DAPK1: variants seen among roughly 807,000 people sequenced by gnomAD.
The protein encoded by DAPK1 is death-associated protein kinase 1.
A neutral mutation model predicts 144.9 loss-of-function variants in DAPK1; 56 were observed. The ratio of observed to expected loss-of-function variants is 0.39; its 90% CI spans 0.31 to 0.48. DAPK1 has a LOEUF of 0.48. Among genes scored for constraint, DAPK1 ranks in the 20% least tolerant of loss-of-function variants. The probability of loss-of-function intolerance (pLI) is 0.95; values close to 1 mark genes in which losing one functional copy is unlikely to be tolerated. For missense variants in DAPK1, 1,454 were observed against 1,875.4 expected (o/e 0.78, Z 4.15); for synonymous variants, 690 against 749.0 (o/e 0.92, Z 1.29).
At chr9:87,570,554 A>T (rs1827293737) in intron 2 of DAPK1, among the ~76,000 whole-genome samples, 1 of 152,150 alleles carries the variant, frequency 6.6e-6, no homozygotes. Flanking sequence ...AGCCAGTTGT[A>T]CCTCTCGTAA....
At chr9:87,660,666 A>G (rs900825830) in intron 18 of DAPK1, among the ~76,000 whole-genome samples, 1 of 151,932 alleles carries the variant, frequency 6.6e-6, no homozygotes, top group Non-Finnish European at 1.5e-5. Context: ...CCCGTTGTCC[A>G]TCATTCCACA....
intron 19 of DAPK1, among the ~76,000 whole-genome samples, chr9:87,671,496 CTT>C (rs796165675): frequency 8.9e-5 from 12 of 135,034 alleles, no homozygotes; most frequent in Admixed American, 4.2e-4. Flanking sequence ...GAATAGTCAC[CTT>C]TTTTTTCTTT....
chr9:87,686,863 T>C lies in DAPK1; in HGVS notation c.2413+124T>C. On this transcript the variant is annotated intron_variant, in intron 21 of 25. Transcript: ENST00000408954. This position sits in a 1 kb window ranked among gnomAD's most constrained non-coding sequence, Gnocchi z 4.2. ...TTCCAGAAGGAAATCCAACACAGAC[T>C]GATATTCAGAGTGAGCCAGGACTGA... 2 of 1,425,892 alleles carry C rather than the reference T, an allele frequency of 1.4e-6. No homozygotes were observed. The highest frequency in any genetic ancestry group is 1.4e-5 in the South Asian group (1 of 68,988). 88.3% of individuals were successfully genotyped at this position (1,425,892 alleles called of 1,614,324 possible).
At chr9:87,559,582 C>A (rs1430215505) in intron 2 of DAPK1, among the ~76,000 whole-genome samples, 2 of 152,168 alleles carry the variant, frequency 1.3e-5, no homozygotes, top group Non-Finnish European at 2.9e-5. Context: ...TCCCAGGACG[C>A]TCTCAAAAGC....
intron 20 of DAPK1, among the ~76,000 whole-genome samples, chr9:87,685,482 A>G (rs1824807810): frequency 6.6e-6 from 1 of 152,204 alleles, no homozygotes; most frequent in Non-Finnish European, 1.5e-5. Flanking sequence ...GTTAAGATCA[A>G]TGAATCCCTT....
chr9:87,637,308 G>A (rs1430463843), intron 3 of DAPK1, among the ~76,000 whole-genome samples: 1 of 151,952 alleles, frequency 6.6e-6, no homozygotes, highest in Admixed American at 6.6e-5. Flanking sequence ...TGGCCAGGAT[G>A]GTCTCGATCT....
intron 19 of DAPK1, among the ~76,000 whole-genome samples, chr9:87,677,211 G>GAGC (rs1207232843): frequency 2.0e-5 from 3 of 152,210 alleles, no homozygotes; most frequent in African/African-American, 7.2e-5. Flanking sequence ...AGATTGCCAG[G>GAGC]AGCTTCTGAA....
chr9:87,594,342 A>C (rs61386279), intron 2 of DAPK1, among the ~76,000 whole-genome samples: 6,378 of 152,188 alleles, frequency 0.042, 453 homozygotes, highest in African/African-American at 0.14. Flanking sequence ...TGCTGAGTAA[A>C]GTGGGTGCAG....
chr9:87,611,487 C>A (rs1828926456), intron 3 of DAPK1, among the ~76,000 whole-genome samples: 1 of 152,070 alleles, frequency 6.6e-6, no homozygotes, highest in Non-Finnish European at 1.5e-5. Context: ...GAGACAGGGT[C>A]TCATTCTGTC....
chr9:87,541,233 G>C (rs559320796), intron 2 of DAPK1, among the ~76,000 whole-genome samples: 3 of 152,182 alleles, frequency 2.0e-5, no homozygotes, highest in African/African-American at 7.2e-5. Context: ...ACTGTAAGTG[G>C]TTCTTCTGTC....
chr9:87,624,084 AGTCATTT>A (rs1348410779), intron 3 of DAPK1, among the ~76,000 whole-genome samples: 1 of 152,246 alleles, frequency 6.6e-6, no homozygotes, highest in Non-Finnish European at 1.5e-5. Context: ...AAGTGGCAAC[AGTCATTT>A]GTTTTGATCA....
chr9:87,658,215 C>T (rs1404208930), intron 18 of DAPK1, 88 bp downstream of exon 18: 4 of 625,916 alleles, frequency 6.4e-6, no homozygotes, highest in Non-Finnish European at 1.2e-5. Flanking sequence ...TGTATGGCAA[C>T]TCTGCATTCT....
chr9:87,602,995 G>A (rs1015171418), intron 2 of DAPK1, among the ~76,000 whole-genome samples: 4 of 151,762 alleles, frequency 2.6e-5, no homozygotes, highest in Non-Finnish European at 1.5e-5. Context: ...AAACTACTGA[G>A]TGTGCCTTGA....
chr9:87,565,149 C>T (rs1157642982), intron 2 of DAPK1, among the ~76,000 whole-genome samples: 2 of 152,144 alleles, frequency 1.3e-5, no homozygotes, highest in Admixed American at 1.3e-4. Context: ...CAGAAAGCAC[C>T]ACCACAGCTC....
At chr9:87,688,050 A>G (rs1450127246) in intron 21 of DAPK1, among the ~76,000 whole-genome samples, 1 of 152,118 alleles carries the variant, frequency 6.6e-6, no homozygotes, top group Non-Finnish European at 1.5e-5. Context: ...TTACCTGGTC[A>G]TATTGCATGA....
intron 21 of DAPK1, among the ~76,000 whole-genome samples, chr9:87,689,945 C>T (rs556419997): frequency 6.6e-6 from 1 of 152,276 alleles, no homozygotes; most frequent in South Asian, 2.1e-4. Flanking sequence ...TGAGATGCCT[C>T]TAGCTTTGTT....
chr9:87,668,607 C>A lies in DAPK1; in HGVS notation c.1934C>A (p.Thr645Lys), dbSNP rs199838944. The A allele has an allele frequency of 1.4e-6, 2 of 1,427,696 alleles. No homozygotes were observed. Among genetic ancestry groups the A allele is most frequent in the African/African-American group, 1.4e-5 (1 of 71,404 alleles). 88.4% of individuals were successfully genotyped at this position (1,427,696 alleles called of 1,614,324 possible). A position where few individuals can be genotyped will look rare whatever the true frequency, so the allele number is the denominator to read the frequency against. ...ATTTTTCTCCAACAGGACGGAAAGA[C>A]GGCAGAAGATCTTGCTAGATCGGAA... ...SVEALTTDGK[T>K]AEDLARSEQH... is the part of the protein sequence containing the mutation. The change falls in exon 19 of 26, where the codon ACG becomes AAG. Residue 645 changes from threonine (T) to lysine (K), a missense_variant. Transcript: ENST00000408954.
chr9:87,649,158 A>T (rs1830361929), intron 15 of DAPK1, among the ~76,000 whole-genome samples: 1 of 152,184 alleles, frequency 6.6e-6, no homozygotes, highest in South Asian at 2.1e-4. Context: ...CATTTTAGAG[A>T]TGAGGAAATT....
chr9:87,589,281 G>A (rs1243999905), intron 2 of DAPK1, among the ~76,000 whole-genome samples: 2 of 152,014 alleles, frequency 1.3e-5, no homozygotes, highest in Non-Finnish European at 2.9e-5. Context: ...ACTGAAACAC[G>A]TTTGTGAATT....
Sources: allele counts gnomAD v4.1 joint callset (sites outside exome capture counted in the v4.1 genomes callset), GRCh38; gene constraint gnomAD v4.1.1; non-coding constraint Gnocchi (gnomAD v3.1); transcripts MANE v1.5; gene names NCBI Gene and HGNC (gene_info 2026-07-23, HGNC 2026-07-21).